The following ACSL5 variants were observed in gnomAD, a reference collection of about 807,000 sequenced individuals.
The protein encoded by ACSL5 is acyl-CoA synthetase long chain family member 5, also known as long-chain-fatty-acid--CoA ligase 5.
ACSL5 carries 50 observed loss-of-function variants against 84.9 expected under a neutral mutation model. That is an observed-to-expected ratio of 0.59 (90% CI 0.47 to 0.75). ACSL5 has a LOEUF of 0.75. Among genes scored for constraint, ACSL5 ranks in the 30% least tolerant of loss-of-function variants. The pLI is 0.00. For synonymous variants in ACSL5, 280 were observed against 300.7 expected (o/e 0.93, Z 0.71); for missense variants, 775 against 830.4 (o/e 0.93, Z 0.82).
chr10:112,415,196 T>TTTTTG (rs1844286314), intron 12 of ACSL5, among the ~76,000 whole-genome samples: 1 of 152,054 alleles, frequency 6.6e-6, no homozygotes, highest in East Asian at 1.9e-4. Flanking sequence ...ATGTATTTTT[T>TTTTTG]TTTTGTTTTG....
Position 112,422,316 on chromosome 10 carries a change from G to A in ACSL5, c.1477-9G>A. 11 of 1,609,522 alleles carry A rather than the reference G, an allele frequency of 6.8e-6. No individual in the cohort carries two copies. The highest frequency in any genetic ancestry group is 1.3e-5 in the African/African-American group (1 of 74,914). On this transcript the variant is annotated splice_polypyrimidine_tract_variant and intron_variant, in intron 16 of 20. Coordinates refer to ENST00000354655, the MANE Select transcript of ACSL5 (RefSeq NM_203379.2). ...GCTATTGTCACCGCCTTGTATGTCT[G>A]CTGTGCAGGTCTGCATCAAGGGTAC...
chr10:112,412,267 C>A, intron 11 of ACSL5: 2 of 352,428 alleles, frequency 5.7e-6, no homozygotes, highest in Non-Finnish European at 1.0e-5. Context: ...TCTATCTGCC[C>A]TTAATTCTGA....
At chr10:112,417,971 C>T in intron 14 of ACSL5, 30 bp downstream of exon 14, 1 of 1,519,614 alleles carries the variant, frequency 6.6e-7, no homozygotes, top group South Asian at 1.2e-5. Context: ...TGAGAATAGG[C>T]TATTTTACTT....
rs546775367 is a variant in ACSL5, at chr10:112,399,093, C to T, written c.265+84C>T. On this transcript the variant is annotated intron_variant, in intron 3 of 20. Transcript: ENST00000354655. The stretch of plus-strand genomic sequence containing the variant: ...CTCTTTCTCTGTCTCACTTCTAAAA[C>T]CCCAGCTATTTAGATGCAGTGATCC... 17 of 1,158,170 alleles carry T rather than the reference C, an allele frequency of 1.5e-5. 1 individual carries two copies. In the Admixed American group the frequency reaches 2.4e-4, roughly 16 times the overall value. 71.7% of individuals were successfully genotyped at this position (1,158,170 alleles called of 1,614,324 possible).
chr10:112,419,589 T>C (rs2133656430), intron 14 of ACSL5: 1 of 152,350 alleles, frequency 6.6e-6, no homozygotes. Flanking sequence ...AAGCATTTCC[T>C]TGGAACATCA....
chr10:112,377,413 G>A (rs538660131), intron 1 of ACSL5, among the ~76,000 whole-genome samples: 16 of 152,090 alleles, frequency 1.1e-4, no homozygotes, highest in Non-Finnish European at 1.8e-4. Flanking sequence ...GGTGGCGTAC[G>A]CCTGTAATCC....
chr10:112,409,514 C>G lies in ACSL5; in HGVS notation c.540C>G (p.Ile180Met). ...AIVHIVNKAD[I>M]AMVICDTPQK... Reference sequence around the variant, plus strand: ...TTCTATTTTGGCTTCCAGCTGATATCGCCATGGTGATCTGTGACACACCCC... The same window carrying G: ...TTCTATTTTGGCTTCCAGCTGATATGGCCATGGTGATCTGTGACACACCCC... The change falls in exon 7 of 21, where the codon ATC (isoleucine) becomes ATG (methionine). Residue 180 changes from isoleucine (I) to methionine (M), a missense_variant. Coordinates refer to ENST00000354655, the MANE Select transcript of ACSL5 (RefSeq NM_203379.2). 6.2e-7 allele frequency: 1 copy of G among 1,613,056 alleles called. No homozygotes were observed. Among genetic ancestry groups the G allele is most frequent in the Non-Finnish European group, 8.5e-7 (1 of 1,179,862 alleles).
At chr10:112,411,294 T>C in intron 9 of ACSL5, 162 bp from the exon 10 acceptor site, 1 of 614,708 alleles carries the variant, frequency 1.6e-6, no homozygotes. Context: ...GGGGCATTAA[T>C]TATTCCTAAA....
rs202155157 is a variant in ACSL5 at position 112,422,477 on chromosome 10, T to C, written c.1593+36T>C. Reference sequence around the variant, plus strand: ...CATCAGAACTCCTGGAAGTCTATGCTAATGGACTGAGAAGAACAATCTGCT... The same window carrying C: ...CATCAGAACTCCTGGAAGTCTATGCCAATGGACTGAGAAGAACAATCTGCT... On this transcript the variant is annotated intron_variant, in intron 17 of 20. Coordinates refer to ENST00000354655, the MANE Select transcript of ACSL5 (RefSeq NM_203379.2). 3.1e-4 allele frequency: 485 copies of C among 1,554,360 alleles called. 3 individuals carry two copies. In the African/African-American group the frequency reaches 6.0e-3, roughly 19 times the overall value.
intron 18 of ACSL5, chr10:112,425,726 T>TAATG: frequency 2.8e-6 from 1 of 359,772 alleles, no homozygotes; most frequent in Admixed American, 4.4e-5. Flanking sequence ...TACTAAAAGG[T>TAATG]AATGATTCAG....
intron 6 of ACSL5, chr10:112,409,181 C>A (rs906196225): frequency 2.4e-5 from 6 of 245,308 alleles, no homozygotes; most frequent in Non-Finnish European, 4.7e-5. Context: ...CCCTACTATC[C>A]TCCTCAAATA....
At chr10:112,411,653 A>C (rs556143788) in intron 10 of ACSL5, 124 bp downstream of exon 10, 10 of 952,698 alleles carry the variant, frequency 1.0e-5, no homozygotes, top group African/African-American at 9.7e-5. Flanking sequence ...CACACGTTAA[A>C]GGCTGGAGTG....
chr10:112,417,201 T>TAAAAAAAAAA (rs377732977), intron 13 of ACSL5, among the ~76,000 whole-genome samples, 179 bp downstream of exon 13: 7 of 120,036 alleles, frequency 5.8e-5, no homozygotes, highest in Non-Finnish European at 1.0e-4. Context: ...GGAGTAGGTT[T>TAAAAAAAAAA]AAAAAAAAAA....
chr10:112,423,326 G>T (rs749246393), intron 17 of ACSL5, among the ~76,000 whole-genome samples: 4 of 137,020 alleles, frequency 2.9e-5, no homozygotes, highest in Non-Finnish European at 4.6e-5. Context: ...GTAATTTAAC[G>T]TGTGAATAGG....
chr10:112,402,205 T>C (rs958690782), intron 3 of ACSL5, among the ~76,000 whole-genome samples: 4 of 152,134 alleles, frequency 2.6e-5, no homozygotes, highest in African/African-American at 9.7e-5. Flanking sequence ...TGAGCTCAAG[T>C]GATCTGCCAA....
chr10:112,410,369 A>G (rs1489846463), intron 7 of ACSL5, 94 bp from the exon 8 acceptor site: 1 of 1,592,400 alleles, frequency 6.3e-7, no homozygotes, highest in South Asian at 1.1e-5. Flanking sequence ...TCCCATAGAG[A>G]TGTTCTCACG....
At chr10:112,413,377 G>T (rs966034220) in intron 12 of ACSL5, 70 bp downstream of exon 12, 10 of 1,551,414 alleles carry the variant, frequency 6.4e-6, no homozygotes, top group Non-Finnish European at 8.9e-6. Context: ...ACTACTATGA[G>T]ATTTACTCCA....
rs760635718 is a variant in ACSL5 at position 112,413,306 on chromosome 10, A to C, written c.1082A>C (p.Lys361Thr). 6.2e-7 allele frequency: 1 copy of C among 1,614,078 alleles called. No homozygotes were observed. Among genetic ancestry groups the C allele is most frequent in the Non-Finnish European group, 8.5e-7 (1 of 1,179,940 alleles). ...CGACTCCTTAACAGGATCTACGATA[A>C]GGTACTAACTTTCAGCTGAAGGGAC... Reference protein sequence around the residue: ...VPRLLNRIYDKVQNEAKTPLK... With the variant: ...VPRLLNRIYDTVQNEAKTPLK... The change falls in exon 12 of 21, where the codon AAG (lysine) becomes ACG (threonine). Residue 361 changes from lysine to threonine, a missense_variant and splice_region_variant. By Grantham distance (78) the Lys-to-Thr change is moderately conservative. Coordinates refer to ENST00000354655, the MANE Select transcript of ACSL5 (RefSeq NM_203379.2).
At chr10:112,420,577 A>C (rs530882046) in intron 14 of ACSL5, among the ~76,000 whole-genome samples, 2 of 152,308 alleles carry the variant, frequency 1.3e-5, no homozygotes, top group South Asian at 4.1e-4. Context: ...TCCCTTAAAA[A>C]ATACTACTCC....
Sources: gnomAD v4.1 joint callset for allele counts (sites outside exome capture counted in the v4.1 genomes callset) on GRCh38, gnomAD v4.1.1 for gene constraint, MANE v1.5 for transcripts, NCBI Gene and HGNC (gene_info 2026-07-23, HGNC 2026-07-21) for gene names.